Variants in KIAA1328 observed in about 807,000 individuals in gnomAD.
The protein encoded by KIAA1328 is protein hinderin.
A neutral mutation model predicts 68.1 loss-of-function variants in KIAA1328; 52 were observed. That is an observed-to-expected ratio of 0.76 (90% CI 0.61 to 0.96). KIAA1328 has a LOEUF of 0.96. Among genes scored for constraint, KIAA1328 ranks in the 40% least tolerant of loss-of-function variants. The pLI, the probability that KIAA1328 is intolerant of heterozygous loss-of-function variation, is 0.00. For synonymous variants in KIAA1328, 232 were observed against 239.4 expected, an observed-to-expected ratio of 0.97 and a Z score of 0.28; for missense variants, 641 against 677.6, an observed-to-expected ratio of 0.95 and a Z score of 0.60.
chr18:37,089,788 C>T (rs894783497), intron 7 of KIAA1328, among the ~76,000 whole-genome samples: 1 of 152,134 alleles, frequency 6.6e-6, no homozygotes, highest in Non-Finnish European at 1.5e-5. Flanking sequence ...AAAATGGTCA[C>T]ATCTTATTGG....
At chr18:36,895,019 T>C (rs1438751562) in intron 5 of KIAA1328, among the ~76,000 whole-genome samples, 2 of 152,180 alleles carry the variant, frequency 1.3e-5, no homozygotes, top group African/African-American at 2.4e-5. Context: ...TTCCTACTTA[T>C]TACATCTAAT....
chr18:37,172,106 G>T (rs982896819), intron 8 of KIAA1328, among the ~76,000 whole-genome samples: 2 of 152,126 alleles, frequency 1.3e-5, no homozygotes, highest in Admixed American at 1.3e-4. Context: ...GCATTTTAGG[G>T]TCTGGTATTC....
chr18:37,105,456 A>G (rs527314664), intron 7 of KIAA1328, among the ~76,000 whole-genome samples: 5 of 147,594 alleles, frequency 3.4e-5, no homozygotes, highest in Non-Finnish European at 7.4e-5. Flanking sequence ...GCTGCACTCT[A>G]CGCTAGCCTG....
chr18:37,221,574 T>G (rs958259546), intron 9 of KIAA1328, among the ~76,000 whole-genome samples: 1 of 152,170 alleles, frequency 6.6e-6, no homozygotes, highest in Non-Finnish European at 1.5e-5. Context: ...ATGAGTTACT[T>G]CCCTGAGCTT....
chr18:37,074,586 G>A (rs560346368), intron 7 of KIAA1328, among the ~76,000 whole-genome samples: 5 of 151,924 alleles, frequency 3.3e-5, no homozygotes, highest in Admixed American at 6.6e-5. Flanking sequence ...TGATCGCATC[G>A]GCTCCTGAGG....
intron 6 of KIAA1328, among the ~76,000 whole-genome samples, chr18:37,002,243 T>C (rs1407376571): frequency 6.8e-6 from 1 of 147,882 alleles, no homozygotes; most frequent in African/African-American, 2.5e-5. Context: ...TTTTTTTTTT[T>C]TTTTTGAGAC....
chr18:37,171,109 TTA>T (rs2059491086), intron 8 of KIAA1328, among the ~76,000 whole-genome samples: 1 of 152,244 alleles, frequency 6.6e-6, no homozygotes, highest in Non-Finnish European at 1.5e-5. Context: ...TGAGTAAATT[TTA>T]TGATACTCAA....
chr18:36,906,889 G>A (rs1478585880), intron 5 of KIAA1328, among the ~76,000 whole-genome samples: 1 of 152,058 alleles, frequency 6.6e-6, no homozygotes, highest in Non-Finnish European at 1.5e-5. Flanking sequence ...TTGAGATTGT[G>A]TTGAATATAT....
intron 9 of KIAA1328, among the ~76,000 whole-genome samples, chr18:37,176,992 T>C (rs2059608408): frequency 6.6e-6 from 1 of 152,268 alleles, no homozygotes; most frequent in Admixed American, 6.5e-5. Context: ...AATTGTCATC[T>C]ACATTAAGAT....
In KIAA1328 at chr18:37,118,519, A is replaced by G. The variant is rs1158724806; in HGVS notation, c.1233-41681A>G. Among the ~76,000 whole-genome samples the G allele has an allele frequency of 2.6e-5, 4 of 152,194 alleles. No individual in the cohort carries two copies. The East Asian group carries it at 7.7e-4, about 29-fold the overall frequency. On this transcript the variant is annotated intron_variant, in intron 7 of 9. Transcript: ENST00000280020. ...TAAGGAATCCTCCTGTATTCCAGACATACTCTTCCTTTGTGTAGTAGCAAC... is the reference window on the plus strand; with the variant it reads ...TAAGGAATCCTCCTGTATTCCAGACGTACTCTTCCTTTGTGTAGTAGCAAC...
intron 6 of KIAA1328, among the ~76,000 whole-genome samples, chr18:37,013,024 G>C (rs1413138109): frequency 6.6e-6 from 1 of 152,082 alleles, no homozygotes; most frequent in Non-Finnish European, 1.5e-5. Flanking sequence ...GTTTATTTCT[G>C]CTGACGTTAG....
intron 6 of KIAA1328, among the ~76,000 whole-genome samples, chr18:36,978,495 G>A (rs766972312): frequency 2.6e-5 from 4 of 152,244 alleles, no homozygotes; most frequent in Non-Finnish European, 5.9e-5. Flanking sequence ...AGGGTAGCAG[G>A]TTCAGGCCAG....
intron 6 of KIAA1328, among the ~76,000 whole-genome samples, chr18:37,058,634 C>T (rs1463586952): frequency 6.6e-6 from 1 of 152,046 alleles, no homozygotes; most frequent in Non-Finnish European, 1.5e-5. Context: ...ATTGCTTGAA[C>T]CCAGGAGGCA....
chr18:37,135,204 G>A (rs2154206483), intron 7 of KIAA1328, among the ~76,000 whole-genome samples: 1 of 152,072 alleles, frequency 6.6e-6, no homozygotes, highest in East Asian at 1.9e-4. Flanking sequence ...TGTTTCTTTG[G>A]GATATACACC....
intron 7 of KIAA1328, among the ~76,000 whole-genome samples, chr18:37,102,931 T>A (rs1271994876): frequency 6.6e-6 from 1 of 152,054 alleles, no homozygotes; most frequent in African/African-American, 2.4e-5. Flanking sequence ...GTGATCCCAT[T>A]TACAATAGCT....
At chr18:36,971,994 A>T (rs11081978) in intron 6 of KIAA1328, among the ~76,000 whole-genome samples, 5 of 152,204 alleles carry the variant, frequency 3.3e-5, no homozygotes, top group East Asian at 1.9e-4. Context: ...GCATATGTAC[A>T]GTGAACCTAA....
At chr18:36,964,827 A>C (rs531634018) in intron 6 of KIAA1328, among the ~76,000 whole-genome samples, 13 of 152,068 alleles carry the variant, frequency 8.5e-5, no homozygotes, top group African/African-American at 2.7e-4. Context: ...GGTAGGGTCT[A>C]ATAACCATAG....
intron 9 of KIAA1328, among the ~76,000 whole-genome samples, chr18:37,174,923 G>A (rs1265970937): frequency 6.6e-6 from 1 of 152,066 alleles, no homozygotes; most frequent in African/African-American, 2.4e-5. Flanking sequence ...CGCCCGCCTT[G>A]GCCTCCCAAA....
At chr18:37,159,049 T>TA (rs941868558) in intron 7 of KIAA1328, among the ~76,000 whole-genome samples, 37 of 149,014 alleles carry the variant, frequency 2.5e-4, no homozygotes, top group African/African-American at 5.1e-4. Context: ...TGTTCTGATT[T>TA]AAAAAAAAAA....
Sources: allele counts gnomAD v4.1 joint callset (sites outside exome capture counted in the v4.1 genomes callset), GRCh38; gene constraint gnomAD v4.1.1; transcripts MANE v1.5; gene names NCBI Gene and HGNC (gene_info 2026-07-23, HGNC 2026-07-21).